The following HSD17B4 variants were observed in gnomAD, a reference collection of about 807,000 sequenced individuals.
HSD17B4 encodes the protein hydroxysteroid 17-beta dehydrogenase 4.
HSD17B4 carries 70 observed loss-of-function variants against 101.0 expected under a neutral mutation model. The ratio of observed to expected loss-of-function variants is 0.69; its 90% CI spans 0.57 to 0.85. The LOEUF (loss-of-function observed/expected upper bound fraction) is 0.85. Among genes scored for constraint, HSD17B4 ranks in the 40% least tolerant of loss-of-function variants. HSD17B4 has a pLI of 0.00. For missense variants in HSD17B4, 984 were observed against 892.4 expected, an observed-to-expected ratio of 1.10 and a Z score of -1.31; for synonymous variants, 347 against 297.1, an observed-to-expected ratio of 1.17 and a Z score of -1.73.
intron 17 of HSD17B4, among the ~76,000 whole-genome samples, chr5:119,515,821 G>T (rs968793925): frequency 6.6e-6 from 1 of 152,040 alleles, no homozygotes; most frequent in East Asian, 1.9e-4. Flanking sequence ...AAAAATTTTT[G>T]GTTGTATTTT....
At chr5:119,472,137 G>A (rs1195604920) in intron 2 of HSD17B4, among the ~76,000 whole-genome samples, 1 of 152,134 alleles carries the variant, frequency 6.6e-6, no homozygotes, top group Non-Finnish European at 1.5e-5. Context: ...GACCTCTTTT[G>A]AGAAATAGTT....
intron 12 of HSD17B4, among the ~76,000 whole-genome samples, chr5:119,499,069 G>A (rs888203013): frequency 1.3e-5 from 2 of 152,124 alleles, no homozygotes; most frequent in Non-Finnish European, 2.9e-5. Context: ...GGAAAGTTGA[G>A]TATGAGGCAT....
chr5:119,473,916 T>G lies in HSD17B4; in HGVS notation c.121T>G (p.Leu41Val). The change falls in exon 3 of 24, where the codon TTG becomes GTG. Residue 41 changes from leucine (L) to valine (V), a missense_variant. By Grantham distance (32) the Leu-to-Val change is conservative (BLOSUM62 1). Transcript: ENST00000510025. ...ERGALVVVNDLGGDFKGVGKG... is the reference protein window; with the variant it reads ...ERGALVVVNDVGGDFKGVGKG... ...TTGTTTTTGCATTACAGTGAATGAT[T>G]TGGGAGGGGACTTCAAAGGAGTTGG... 1 of 1,585,998 alleles carries G rather than the reference T, an allele frequency of 6.3e-7. No homozygotes were observed. Among genetic ancestry groups the G allele is most frequent in the South Asian group, 1.1e-5 (1 of 90,454 alleles).
intron 19 of HSD17B4, among the ~76,000 whole-genome samples, chr5:119,526,505 C>G (rs1433400571): frequency 1.3e-5 from 2 of 151,118 alleles, no homozygotes; most frequent in African/African-American, 4.9e-5. Flanking sequence ...ATATCCATGC[C>G]CATATTATTT....
intron 8 of HSD17B4, among the ~76,000 whole-genome samples, chr5:119,486,160 T>G (rs1736313624): frequency 6.6e-6 from 1 of 152,152 alleles, no homozygotes; most frequent in Non-Finnish European, 1.5e-5. Flanking sequence ...GAGCTAACGA[T>G]TTGAAAGAGA....
At chr5:119,540,609 T>C (rs148731926) in intron 23 of HSD17B4, among the ~76,000 whole-genome samples, 6 of 152,326 alleles carry the variant, frequency 3.9e-5, no homozygotes, top group Middle Eastern at 3.4e-3. Context: ...TGTAACTGCA[T>C]AGTGAAAGAA....
intron 8 of HSD17B4, among the ~76,000 whole-genome samples, chr5:119,480,491 G>A (rs574902449): frequency 1.4e-3 from 217 of 152,186 alleles, no homozygotes; most frequent in South Asian, 6.2e-3. Flanking sequence ...AAAAGGGGAG[G>A]GAGTGTGTGA....
At chr5:119,485,466 T>C (rs747843400) in intron 8 of HSD17B4, among the ~76,000 whole-genome samples, 27 of 152,180 alleles carry the variant, frequency 1.8e-4, no homozygotes, top group Admixed American at 5.2e-4. Context: ...AAGAAAGTTA[T>C]AGATCATTTT....
Position 119,531,333 on chromosome 5 carries a change from AG to A in HSD17B4, c.1924del (p.Val642TrpfsTer2). The A allele has an allele frequency of 6.2e-7, 1 of 1,613,562 alleles. No individual in the cohort carries two copies. Among genetic ancestry groups the A allele is most frequent in the Non-Finnish European group, 8.5e-7 (1 of 1,179,590 alleles). ...CGCCGCCTAAAGGATATTGGGCCTG[AG>A]GTGGTGAAGAAAGTAAATGCTGTAT... ...IGRRLKDIGP[E>X]VVKKVNAVFE... On this transcript the variant is annotated frameshift_variant, in exon 22 of 24. Transcript: ENST00000510025. LOFTEE classifies it high-confidence loss of function.
chr5:119,515,550 A>T (rs896021213), intron 17 of HSD17B4, among the ~76,000 whole-genome samples: 2 of 152,204 alleles, frequency 1.3e-5, no homozygotes, highest in South Asian at 4.1e-4. Context: ...TTTGTTTGAC[A>T]TAAAGAATTT....
chr5:119,506,896 T>G lies in HSD17B4; in HGVS notation c.1333+7T>G, dbSNP rs1309369633. On this transcript the variant is annotated splice_region_variant and intron_variant, in intron 15 of 23. Coordinates refer to ENST00000510025, the MANE Select transcript of HSD17B4 (RefSeq NM_000414.4). ...GTAGTGATTATTATGGATGGTAATTTATTTACAATTCTTATAATAATATTG... is the reference window on the plus strand; with the variant it reads ...GTAGTGATTATTATGGATGGTAATTGATTTACAATTCTTATAATAATATTG... The G allele has an allele frequency of 2.9e-6, 4 of 1,379,984 alleles. No homozygotes were observed. The highest frequency in any genetic ancestry group is 2.3e-5 in the East Asian group (1 of 43,574). The allele number at this position is 1,379,984 out of a possible 1,614,324, so 85.5% of individuals were successfully genotyped here.
intron 8 of HSD17B4, 121 bp from the exon 9 acceptor site, chr5:119,489,071 G>A (rs1352769818): frequency 4.2e-6 from 3 of 712,720 alleles, no homozygotes; most frequent in Non-Finnish European, 7.5e-6. Flanking sequence ...TGTTAGACTA[G>A]TTATATACAT....
In HSD17B4 at chr5:119,518,082, G is replaced by A. The variant is rs1172473815; in HGVS notation, c.1503+3036G>A. Among the ~76,000 whole-genome samples, 5 of 152,150 alleles carry A rather than the reference G, an allele frequency of 3.3e-5. No individual in the cohort carries two copies. In the East Asian group the frequency reaches 7.7e-4, roughly 23 times the overall value. On this transcript the variant is annotated intron_variant, in intron 17 of 23. Transcript: ENST00000510025. ...AAGAGAATAAAAGCAGGCTGCCCAAGCCAGCAGTGGCAACCCGCTCCGGTC... is the reference window on the plus strand; with the variant it reads ...AAGAGAATAAAAGCAGGCTGCCCAAACCAGCAGTGGCAACCCGCTCCGGTC...
chr5:119,471,946 AT>A (rs1362577135), intron 2 of HSD17B4, among the ~76,000 whole-genome samples: 25 of 152,198 alleles, frequency 1.6e-4, no homozygotes, highest in African/African-American at 5.3e-4. Context: ...CACCATTCTT[AT>A]ACATTTGTGT....
At position 119,522,367 on chromosome 5, in the gene HSD17B4, G is replaced by C. The variant is rs113745910; in HGVS notation, c.1504-2849G>C. 8.1e-3 allele frequency among the ~76,000 whole-genome samples: 1,237 copies of C among 152,216 alleles called. 2 individuals carry two copies. The highest frequency in any genetic ancestry group is 0.012 in the Non-Finnish European group (801 of 68,014). On this transcript the variant is annotated intron_variant, in intron 17 of 23. Transcript: ENST00000510025. ...ACATTTGGGTTGGTTCCAAGTCTTT[G>C]CTATTGTGAGTAGTGCTGCAATAAA...
chr5:119,509,393 A>T (rs908759515), intron 16 of HSD17B4, 149 bp downstream of exon 16: 1 of 719,052 alleles, frequency 1.4e-6, no homozygotes, highest in Admixed American at 1.9e-5. Flanking sequence ...CACCAAGACC[A>T]GTCCCTCTTC....
At chr5:119,486,440 A>G (rs2126730308) in intron 8 of HSD17B4, among the ~76,000 whole-genome samples, 1 of 152,218 alleles carries the variant, frequency 6.6e-6, no homozygotes, top group East Asian at 1.9e-4. Flanking sequence ...CCAGGAGGTA[A>G]TCACTTAAAG....
At chr5:119,479,086 A>C in intron 8 of HSD17B4, 65 bp downstream of exon 8, 5 of 1,180,944 alleles carry the variant, frequency 4.2e-6, no homozygotes, top group Middle Eastern at 1.9e-4. Context: ...TGAGCTTTAC[A>C]AAAGTATTTA....
chr5:119,494,162 T>C (rs1045048338), intron 11 of HSD17B4, among the ~76,000 whole-genome samples: 16 of 152,182 alleles, frequency 1.1e-4, no homozygotes, highest in African/African-American at 3.6e-4. Context: ...TAATCCTGTT[T>C]TTTGGGTTTA....
Sources: allele counts gnomAD v4.1 joint callset (sites outside exome capture counted in the v4.1 genomes callset), GRCh38; gene constraint gnomAD v4.1.1; transcripts MANE v1.5; gene names NCBI Gene and HGNC (gene_info 2026-07-23, HGNC 2026-07-21).